The following DOCK11 variants were observed in gnomAD, a reference collection of about 807,000 sequenced individuals.
The protein encoded by DOCK11 is dedicator of cytokinesis 11.
A neutral mutation model predicts 169.1 loss-of-function variants in DOCK11; 70 were observed. That is an observed-to-expected ratio of 0.41 (90% CI 0.34 to 0.51). The LOEUF (loss-of-function observed/expected upper bound fraction) is 0.51. DOCK11 is among the 20% of genes least tolerant of loss of function. The probability of loss-of-function intolerance (pLI) is 0.10; values close to 1 mark genes in which losing one functional copy is unlikely to be tolerated. For missense variants in DOCK11, 1,166 were observed against 1,538.8 expected (o/e 0.76, Z 4.05); for synonymous variants, 529 against 541.3 (o/e 0.98, Z 0.32).
At chrX:118,569,059 T>G (rs867286481) in intron 10 of DOCK11, among the ~76,000 whole-genome samples, 4 of 107,235 alleles carry the variant, frequency 3.7e-5, no homozygotes, top group Non-Finnish European at 5.8e-5. Context: ...CTTTCTTTCT[T>G]TCTCTCTCTC....
intron 1 of DOCK11, among the ~76,000 whole-genome samples, chrX:118,516,408 TCCTCC>T (rs57007866): frequency 0.42 from 38,150 of 90,134 alleles, 8,118 homozygotes; most frequent in African/African-American, 0.66. Flanking sequence ...TCCTCTCCTC[TCCTCC>T]CCTCCCCTCC....
intron 12 of DOCK11, among the ~76,000 whole-genome samples, chrX:118,576,444 C>G (rs2013450084): frequency 8.9e-6 from 1 of 111,970 alleles, no homozygotes; most frequent in Non-Finnish European, 1.9e-5. Flanking sequence ...GCTGTTGGGA[C>G]AAAAGGTAAA....
chrX:118,528,370 G>A (rs1382140402), intron 1 of DOCK11, among the ~76,000 whole-genome samples: 1 of 112,276 alleles, frequency 8.9e-6, no homozygotes, highest in Non-Finnish European at 1.9e-5. Flanking sequence ...CTGGGGAGTG[G>A]CGGCGGATGG....
chrX:118,633,467 T>C (rs2015304606), intron 35 of DOCK11: 1 of 112,026 alleles, frequency 8.9e-6, no homozygotes, highest in African/African-American at 3.2e-5. Flanking sequence ...CTGGCCAATC[T>C]TGTCTTCATG....
chrX:118,540,963 TAG>T (rs1244772087), intron 1 of DOCK11, among the ~76,000 whole-genome samples: 24 of 111,969 alleles, frequency 2.1e-4, no homozygotes, highest in Non-Finnish European at 3.2e-4. Context: ...TGGTTTAGAA[TAG>T]AGTGTTGAGA....
chrX:118,566,655 T>A lies in DOCK11; in HGVS notation c.951+2T>A. 8.3e-7 allele frequency: 1 copy of A among 1,202,831 alleles called. No individual in the cohort carries two copies. Among genetic ancestry groups the A allele is most frequent in the Non-Finnish European group, 1.1e-6 (1 of 889,040 alleles). ...AGCATGCATCCGGAACTGATGAAGGTACATCTTTCATATGGCAACTTGCCT... is the reference window on the plus strand; with the variant it reads ...AGCATGCATCCGGAACTGATGAAGGAACATCTTTCATATGGCAACTTGCCT... On this transcript the variant is annotated splice_donor_variant, in intron 9 of 52. Transcript: ENST00000276202. LOFTEE classifies it high-confidence loss of function.
chrX:118,516,457 C>T (rs912869017), intron 1 of DOCK11, among the ~76,000 whole-genome samples: 2 of 100,600 alleles, frequency 2.0e-5, no homozygotes, highest in Non-Finnish European at 4.0e-5. Context: ...TTTCTCTCTC[C>T]GCCTCTCTCA....
chrX:118,677,870 A>G (rs1458504422), intron 48 of DOCK11, among the ~76,000 whole-genome samples: 2 of 112,181 alleles, frequency 1.8e-5, no homozygotes, highest in Non-Finnish European at 3.8e-5. Context: ...TTCCCACAAT[A>G]TTGATTACTG....
intron 44 of DOCK11, among the ~76,000 whole-genome samples, chrX:118,655,813 G>A (rs1003958370): frequency 1.8e-5 from 2 of 111,835 alleles, no homozygotes; most frequent in South Asian, 3.7e-4. Flanking sequence ...GTAACAATAC[G>A]GCAAAATGAA....
At position 118,651,998 on chromosome X, in the gene DOCK11, T is replaced by C; in HGVS notation, c.4616T>C (p.Val1539Ala). 8.3e-7 allele frequency: 1 copy of C among 1,206,731 alleles called. No homozygotes were observed. The highest frequency in any genetic ancestry group is 1.1e-6 in the Non-Finnish European group (1 of 892,803). Residue 1539 changes from valine (V) to alanine (A), a missense_variant, in exon 42 of 53, where the codon GTA (valine) becomes GCA (alanine). Physicochemically the swap from Val to Ala is moderately conservative, Grantham distance 64. Coordinates refer to ENST00000276202, the MANE Select transcript of DOCK11 (RefSeq NM_144658.4). ...IIAVSQLIAD[V>A]ALSGGSRFQE... The stretch of plus-strand genomic sequence containing the variant: ...GCTGTAAGCCAACTGATAGCTGATG[T>C]AGCACTAAGCGGAGGATCAAGATTT...
At chrX:118,543,103 T>G in intron 3 of DOCK11, 88 bp downstream of exon 3, 2 of 664,454 alleles carry the variant, frequency 3.0e-6, no homozygotes, top group African/African-American at 2.2e-5. Context: ...TTGTAACCTG[T>G]TTATAAATAC....
Position 118,580,116 on chromosome X carries a change from G to A in DOCK11, c.1532G>A (p.Arg511Lys), listed in dbSNP as rs1244313958. 1 of 1,209,756 alleles carries A rather than the reference G, an allele frequency of 8.3e-7. No individual in the cohort carries two copies. The highest frequency in any genetic ancestry group is 2.2e-5 in the Admixed American group (1 of 45,851). The change falls in exon 14 of 53, where the codon AGG becomes AAG. Residue 511 changes from arginine (R) to lysine (K), a missense_variant. Arg to Lys is a conservative substitution (Grantham distance 26). Coordinates refer to ENST00000276202, the MANE Select transcript of DOCK11 (RefSeq NM_144658.4). Reference protein sequence around the residue: ...DPVKTAQKVHRTAKQVCSRLG... With the variant: ...DPVKTAQKVHKTAKQVCSRLG... The stretch of plus-strand genomic sequence containing the variant: ...CCTTAGACGGCCCAGAAGGTGCACA[G>A]GACAGCTAAACAAGTGTGTAGCCGC...
chrX:118,553,513 G>T (rs982417263), intron 6 of DOCK11, among the ~76,000 whole-genome samples: 1 of 111,347 alleles, frequency 9.0e-6, no homozygotes, highest in Non-Finnish European at 1.9e-5. Context: ...TGATATCGGG[G>T]TTGCAAGTTC....
At chrX:118,651,325 T>G (rs962573163) in intron 41 of DOCK11, among the ~76,000 whole-genome samples, 1 of 111,333 alleles carries the variant, frequency 9.0e-6, no homozygotes, top group African/African-American at 3.3e-5. Context: ...TCCCAGCTAC[T>G]TGGGAGGCTG....
In DOCK11 at chrX:118,647,541, TTA is replaced by T. The variant is rs1292358063; in HGVS notation, c.4399-1398_4399-1397del. On this transcript the variant is annotated intron_variant, in intron 40 of 52. Coordinates refer to ENST00000276202, the MANE Select transcript of DOCK11 (RefSeq NM_144658.4). ...ATAATATATAATATAATATTATATA[TTA>T]TATATGTTATTATATATTAATATAA... Among the ~76,000 whole-genome samples, 315 of 72,435 alleles carry T rather than the reference TTA, an allele frequency of 4.3e-3. 2 individuals are homozygous for T. Among genetic ancestry groups the T allele is most frequent in the Middle Eastern group, 0.015 (2 of 136 alleles). The allele number at this position is 72,435 out of a possible 115,157, so 62.9% of individuals were successfully genotyped here.
At chrX:118,629,180 A>G (rs896051288) in intron 34 of DOCK11, among the ~76,000 whole-genome samples, 3 of 111,699 alleles carry the variant, frequency 2.7e-5, no homozygotes, top group Non-Finnish European at 5.6e-5. Context: ...CCAGTGGACT[A>G]TACTTCCACT....
Position 118,661,654 on chromosome X carries a change from A to G in DOCK11, c.4970-1032A>G, listed in dbSNP as rs148699364. 5.0e-3 allele frequency among the ~76,000 whole-genome samples: 562 copies of G among 112,046 alleles called. 2 individuals are homozygous for G. Among genetic ancestry groups the G allele is most frequent in the African/African-American group, 0.017 (538 of 30,862 alleles). Reference sequence around the variant, plus strand: ...AAACTTTTTCATTGAAACGTTTTCAATGGTTATGTTATAAAGAGGCAGAAT... The same window carrying G: ...AAACTTTTTCATTGAAACGTTTTCAGTGGTTATGTTATAAAGAGGCAGAAT... On this transcript the variant is annotated intron_variant, in intron 44 of 52. Transcript: ENST00000276202.
intron 1 of DOCK11, among the ~76,000 whole-genome samples, chrX:118,515,336 C>T (rs149963857): frequency 0.012 from 1,379 of 112,077 alleles, 19 homozygotes; most frequent in African/African-American, 0.043. Context: ...CGAGTTCAAG[C>T]GATTCTTCTG....
intron 31 of DOCK11, among the ~76,000 whole-genome samples, chrX:118,621,502 T>C (rs2014971473): frequency 1.8e-5 from 2 of 112,058 alleles, no homozygotes; most frequent in African/African-American, 6.5e-5. Flanking sequence ...ATGAAAAGCC[T>C]GCTTTGAGAC....
Sources: gnomAD v4.1 joint callset for allele counts (sites outside exome capture counted in the v4.1 genomes callset) on GRCh38, gnomAD v4.1.1 for gene constraint, MANE v1.5 for transcripts, NCBI Gene and HGNC (gene_info 2026-07-23, HGNC 2026-07-21) for gene names.